The following ADAM17 variants were observed in gnomAD, a reference collection of about 807,000 sequenced individuals.
The protein encoded by ADAM17 is disintegrin and metalloproteinase domain-containing protein 17.
ADAM17 carries 39 observed loss-of-function variants against 96.7 expected under a neutral mutation model. The ratio of observed to expected loss-of-function variants is 0.40; its 90% CI spans 0.31 to 0.53. The LOEUF is 0.53. ADAM17 is among the 20% of genes least tolerant of loss of function. ADAM17 has a pLI of 0.44. For missense variants in ADAM17, 777 were observed against 1,013.2 expected, an observed-to-expected ratio of 0.77 and a Z score of 3.17; for synonymous variants, 344 against 359.2, an observed-to-expected ratio of 0.96 and a Z score of 0.48.
At chr2:9,524,623 C>G (rs114987232) in intron 6 of ADAM17, among the ~76,000 whole-genome samples, 4 of 152,142 alleles carry the variant, frequency 2.6e-5, no homozygotes, top group Non-Finnish European at 5.9e-5. Context: ...GTGAGTACCT[C>G]GAATGTCTTC....
Position 9,512,810 on chromosome 2 carries a change from CA to C in ADAM17, c.1192-2680del, listed in dbSNP as rs531543723. 3.2e-3 allele frequency among the ~76,000 whole-genome samples: 483 copies of C among 152,102 alleles called. 13 individuals are homozygous for C. The highest frequency in any genetic ancestry group is 0.01 in the Middle Eastern group (3 of 294). On this transcript the variant is annotated intron_variant, in intron 10 of 18. Transcript: ENST00000310823. ...ATGTAATGAAGCCTCCATAAAATCT[CA>C]AAAAACAGGATTCAGAGAGCTTCCA...
chr2:9,531,418 T>G (rs1174202602), intron 4 of ADAM17, among the ~76,000 whole-genome samples: 1 of 151,784 alleles, frequency 6.6e-6, no homozygotes, highest in African/African-American at 2.4e-5. Context: ...ATACAAAAAT[T>G]AGGCCGGATG....
At chr2:9,529,426 G>A (rs1271870073) in intron 4 of ADAM17, among the ~76,000 whole-genome samples, 1 of 151,990 alleles carries the variant, frequency 6.6e-6, no homozygotes, top group Non-Finnish European at 1.5e-5. Context: ...ACTCCAGCCT[G>A]GGTGACAGAG....
chr2:9,505,431 T>A lies in ADAM17; in HGVS notation c.1345-66A>T, dbSNP rs1230483446. The A allele has an allele frequency of 2.7e-6, 4 of 1,495,674 alleles. No homozygotes were observed. In the East Asian group the frequency reaches 9.1e-5, roughly 34 times the overall value. 92.7% of individuals were successfully genotyped at this position (1,495,674 alleles called of 1,614,324 possible). On this transcript the variant is annotated intron_variant, in intron 11 of 18. Coordinates refer to ENST00000310823, the MANE Select transcript of ADAM17 (RefSeq NM_003183.6). ...TAAAAATGTATTCCCATGCAATGTT[T>A]GTGTCTTCTCTAGAGACAAACTCTT...
At chr2:9,531,571 G>A (rs1233968381) in intron 4 of ADAM17, among the ~76,000 whole-genome samples, 6 of 151,836 alleles carry the variant, frequency 4.0e-5, no homozygotes, top group Non-Finnish European at 5.9e-5. Flanking sequence ...GCACAGTGGC[G>A]TGTGCCTGTA....
Position 9,536,624 on chromosome 2 carries a change from G to C in ADAM17, c.361+74C>G, listed in dbSNP as rs1294897416. ...GTCCCCACTATCCTGCACCAGAAAA[G>C]AATATGCAATCAAGTTAGATTTGGA... On this transcript the variant is annotated intron_variant, in intron 3 of 18. Transcript: ENST00000310823. The C allele has an allele frequency of 1.6e-5, 26 of 1,583,426 alleles. No individual in the cohort carries two copies. In the East Asian group the frequency reaches 5.9e-4, roughly 36 times the overall value.
intron 2 of ADAM17, among the ~76,000 whole-genome samples, chr2:9,537,575 T>C (rs1665007888): frequency 6.6e-6 from 1 of 151,720 alleles, no homozygotes. Context: ...CTACTAAAAA[T>C]ACAAAAATTA....
intron 12 of ADAM17, among the ~76,000 whole-genome samples, chr2:9,502,903 A>C (rs1204118834): frequency 6.9e-6 from 1 of 145,196 alleles, no homozygotes; most frequent in Non-Finnish European, 1.5e-5. Context: ...AAAAAAAAAA[A>C]GATGAGGCAG....
At chr2:9,507,809 T>G (rs938990328) in intron 11 of ADAM17, among the ~76,000 whole-genome samples, 5 of 152,120 alleles carry the variant, frequency 3.3e-5, no homozygotes, top group African/African-American at 1.2e-4. Flanking sequence ...CGCCTTGAAC[T>G]CCCCGGGTTC....
At position 9,554,505 on chromosome 2, in the gene ADAM17, T is replaced by C. The variant is rs2125048933; in HGVS notation, c.97+1004A>G. 2.0e-5 allele frequency among the ~76,000 whole-genome samples: 3 copies of C among 152,312 alleles called. No individual in the cohort carries two copies. The East Asian group carries it at 5.8e-4, about 29-fold the overall frequency. ...TAGTATCCATACCAATCCATTACAA[T>C]TTCTGTCCACTAAATATAAAGAAAA... On this transcript the variant is annotated intron_variant, in intron 1 of 18. Transcript: ENST00000310823.
At chr2:9,524,505 T>C (rs2125024560) in intron 6 of ADAM17, among the ~76,000 whole-genome samples, 1 of 152,126 alleles carries the variant, frequency 6.6e-6, no homozygotes, top group South Asian at 2.1e-4. Context: ...CGTGAGGATT[T>C]TCGACTGCAG....
At chr2:9,502,120 G>GAC (rs1432363708) in intron 13 of ADAM17, 53 bp downstream of exon 13, 9 of 1,443,598 alleles carry the variant, frequency 6.2e-6, no homozygotes, top group African/African-American at 4.2e-5. Flanking sequence ...GTTTTTCAAA[G>GAC]ACACACACAC....
intron 10 of ADAM17, among the ~76,000 whole-genome samples, chr2:9,513,310 A>C (rs529932506): frequency 6.6e-6 from 1 of 152,270 alleles, no homozygotes; most frequent in South Asian, 2.1e-4. Flanking sequence ...TATCCTTTAA[A>C]ATATCCTATG....
At chr2:9,531,295 T>C (rs1664727235) in intron 4 of ADAM17, among the ~76,000 whole-genome samples, 2 of 148,496 alleles carry the variant, frequency 1.3e-5, no homozygotes, top group Admixed American at 6.7e-5. Context: ...AGGCCAAGCA[T>C]GGTGGCTCAC....
chr2:9,516,367 G>A (rs1239424297), intron 10 of ADAM17, among the ~76,000 whole-genome samples: 6 of 152,162 alleles, frequency 3.9e-5, no homozygotes, highest in Admixed American at 1.3e-4. Flanking sequence ...GAAGATTATA[G>A]GAATGAGCCA....
At chr2:9,551,255 A>AG (rs1385148012) in intron 1 of ADAM17, among the ~76,000 whole-genome samples, 4 of 151,812 alleles carry the variant, frequency 2.6e-5, no homozygotes, top group South Asian at 2.1e-4. Flanking sequence ...AAAAAAAGGA[A>AG]GGGGGGGAAC....
intron 10 of ADAM17, among the ~76,000 whole-genome samples, chr2:9,515,831 G>A (rs897472002): frequency 6.6e-6 from 1 of 152,056 alleles, no homozygotes; most frequent in Admixed American, 6.5e-5. Context: ...AGCAATTAAT[G>A]AGAGTTCCTG....
chr2:9,544,906 G>A (rs1350199425), intron 1 of ADAM17, among the ~76,000 whole-genome samples: 1 of 152,070 alleles, frequency 6.6e-6, no homozygotes, highest in Non-Finnish European at 1.5e-5. Context: ...CAAAAACCTT[G>A]CACATATCAG....
chr2:9,526,954 G>A (rs896736598), intron 5 of ADAM17, among the ~76,000 whole-genome samples: 10 of 151,912 alleles, frequency 6.6e-5, no homozygotes, highest in South Asian at 2.1e-4. Context: ...TAGTTTAATA[G>A]GACAACTTTC....
Sources: allele counts gnomAD v4.1 joint callset (sites outside exome capture counted in the v4.1 genomes callset), GRCh38; gene constraint gnomAD v4.1.1; transcripts MANE v1.5; gene names NCBI Gene and HGNC (gene_info 2026-07-23, HGNC 2026-07-21).